FANCC: variants seen among roughly 807,000 people sequenced by gnomAD.
The protein encoded by FANCC is FA complementation group C.
FANCC carries 55 observed loss-of-function variants against 71.3 expected under a neutral mutation model. The observed-to-expected ratio is 0.77, with a 90% CI of 0.62 to 0.97. The LOEUF (loss-of-function observed/expected upper bound fraction) is 0.97. Ranked by LOEUF, FANCC falls within the 50% of genes least tolerant of loss-of-function variation. The pLI is 0.00. For missense variants in FANCC, 678 were observed against 670.9 expected (o/e 1.01, Z -0.12); for synonymous variants, 275 against 244.9 (o/e 1.12, Z -1.15).
intron 4 of FANCC, among the ~76,000 whole-genome samples, chr9:95,214,922 C>T (rs1282834903): frequency 6.6e-6 from 1 of 152,084 alleles, no homozygotes; most frequent in Non-Finnish European, 1.5e-5. Context: ...GTAGTAATAG[C>T]TGCATAACAA....
intron 8 of FANCC, 83 bp from the exon 9 acceptor site, chr9:95,126,664 T>C (rs1394573059): frequency 1.4e-6 from 2 of 1,385,664 alleles, no homozygotes; most frequent in African/African-American, 1.4e-5. Flanking sequence ...AAGGAGTTAC[T>C]GGGAACTGCT....
rs1326163629 is a variant in FANCC at position 95,249,118 on chromosome 9, A to T, written c.165+9T>A. 2 of 1,613,472 alleles carry T rather than the reference A, an allele frequency of 1.2e-6. No individual in the cohort carries two copies. The highest frequency in any genetic ancestry group is 1.7e-6 in the Non-Finnish European group (2 of 1,179,642). On this transcript the variant is annotated intron_variant, in intron 2 of 14. Transcript: ENST00000289081. The stretch of plus-strand genomic sequence containing the variant: ...GAAAATAATTTCATTATTCTGGTCC[A>T]CTACTTACCATCTCTTTCAAGGCTT...
intron 3 of FANCC, among the ~76,000 whole-genome samples, chr9:95,241,605 C>T (rs1220882744): frequency 2.0e-5 from 3 of 152,134 alleles, no homozygotes; most frequent in African/African-American, 4.8e-5. Flanking sequence ...CTAAGACAGC[C>T]GGTGCCTGGA....
chr9:95,155,889 T>TG (rs1490251578), intron 6 of FANCC, among the ~76,000 whole-genome samples: 10 of 54,616 alleles, frequency 1.8e-4, no homozygotes, highest in South Asian at 9.2e-4. Flanking sequence ...TGGCTTTTTT[T>TG]GGGTTTTTTT....
chr9:95,110,279 A>G lies in FANCC; in HGVS notation c.1329+1184T>C, dbSNP rs2071810414. On this transcript the variant is annotated intron_variant, in intron 13 of 14. Coordinates refer to ENST00000289081, the MANE Select transcript of FANCC (RefSeq NM_000136.3). ...TATACTTCAAAAGTGATTCTCTGTC[A>G]GTAACCTTTTGACTGTGATGGAATT... The G allele has an allele frequency of 4.9e-6, 5 of 1,011,824 alleles. No homozygotes were observed. The Admixed American group carries it at 1.8e-4, about 36-fold the overall frequency. 62.7% of individuals were successfully genotyped at this position (1,011,824 alleles called of 1,614,324 possible).
chr9:95,165,458 C>A (rs1458177332), intron 6 of FANCC, among the ~76,000 whole-genome samples: 1 of 151,880 alleles, frequency 6.6e-6, no homozygotes, highest in African/African-American at 2.4e-5. Flanking sequence ...ACTGCTTTTG[C>A]TGCATCCCAT....
chr9:95,230,692 G>C (rs1829950609), intron 4 of FANCC, among the ~76,000 whole-genome samples: 1 of 152,142 alleles, frequency 6.6e-6, no homozygotes, highest in Non-Finnish European at 1.5e-5. Context: ...AGAGTGAGCA[G>C]CAGCAAGACT....
At chr9:95,147,386 C>A (rs1829708604) in intron 7 of FANCC, among the ~76,000 whole-genome samples, 1 of 152,132 alleles carries the variant, frequency 6.6e-6, no homozygotes, top group African/African-American at 2.4e-5. Flanking sequence ...CGTGATGGTG[C>A]ATGCCTGTAA....
chr9:95,272,541 G>GA (rs1832801897), intron 1 of FANCC, among the ~76,000 whole-genome samples: 1 of 151,808 alleles, frequency 6.6e-6, no homozygotes, highest in Non-Finnish European at 1.5e-5. Flanking sequence ...ACTAAAAATA[G>GA]AAAAAATTAG....
Position 95,130,235 on chromosome 9 carries a change from G to A in FANCC, c.844-3654C>T, listed in dbSNP as rs148859340. ...CTTGAAAGAGGCCTGAGAACAAGAA[G>A]AACAGAATTCTCAGGAAGAAGCATT... On this transcript the variant is annotated intron_variant, in intron 8 of 14. Transcript: ENST00000289081. 9.8e-3 allele frequency among the ~76,000 whole-genome samples: 1,489 copies of A among 152,044 alleles called. 16 individuals are homozygous for A. The highest frequency in any genetic ancestry group is 0.013 in the Non-Finnish European group (869 of 67,998).
rs766493847 is a variant in FANCC, at chr9:95,247,389, G to T, written c.250+43C>A. ...GTAAGCCTCTGTGAAACAATGCAAA[G>T]ATTAAAATAGCCATTTTGAGAGGAC... On this transcript the variant is annotated intron_variant, in intron 3 of 14. Coordinates refer to ENST00000289081, the MANE Select transcript of FANCC (RefSeq NM_000136.3). 11 of 1,413,098 alleles carry T rather than the reference G, an allele frequency of 7.8e-6. No homozygotes were observed. In the South Asian group the frequency reaches 8.1e-5, roughly 10 times the overall value. The allele number at this position is 1,413,098 out of a possible 1,614,324, so 87.5% of individuals were successfully genotyped here.
intron 11 of FANCC, among the ~76,000 whole-genome samples, chr9:95,116,254 G>C (rs994488982): frequency 2.0e-5 from 3 of 152,186 alleles, no homozygotes; most frequent in African/African-American, 7.2e-5. Context: ...CTAAGCGTAA[G>C]GTGAACCCTG....
At chr9:95,221,102 T>G (rs895065838) in intron 4 of FANCC, among the ~76,000 whole-genome samples, 4 of 151,880 alleles carry the variant, frequency 2.6e-5, no homozygotes, top group Non-Finnish European at 5.9e-5. Context: ...CATGGTGGCA[T>G]GCACCTGTAG....
intron 1 of FANCC, among the ~76,000 whole-genome samples, chr9:95,280,572 T>C (rs1833326971): frequency 6.6e-6 from 1 of 152,156 alleles, no homozygotes. Context: ...ACAAATGTGC[T>C]CTGATGACAA....
rs181941190 is a variant in FANCC at position 95,227,824 on chromosome 9, C to T, written c.345+12825G>A. Among the ~76,000 whole-genome samples the T allele has an allele frequency of 1.8e-3, 267 of 152,266 alleles. 1 individual carries two copies. The highest frequency in any genetic ancestry group is 3.5e-3 in the South Asian group (17 of 4,818). On this transcript the variant is annotated intron_variant, in intron 4 of 14. Coordinates refer to ENST00000289081, the MANE Select transcript of FANCC (RefSeq NM_000136.3). The stretch of plus-strand genomic sequence containing the variant: ...AGATGGCCATTCTTCTTATCATTAG[C>T]AAGAAGAACGTTTCTAGCTATCTCT...
At chr9:95,290,766 A>G (rs1182694836) in intron 1 of FANCC, among the ~76,000 whole-genome samples, 1 of 152,240 alleles carries the variant, frequency 6.6e-6, no homozygotes, top group Non-Finnish European at 1.5e-5. Context: ...GGAGGCAAAG[A>G]CACAAAAAGA....
intron 6 of FANCC, among the ~76,000 whole-genome samples, chr9:95,159,681 C>T (rs1373836485): frequency 2.0e-5 from 3 of 152,198 alleles, no homozygotes. Flanking sequence ...TCTCCACATC[C>T]TCTCCAGCAC....
chr9:95,260,694 A>AC (rs1282880069), intron 1 of FANCC, among the ~76,000 whole-genome samples: 1 of 151,906 alleles, frequency 6.6e-6, no homozygotes, highest in African/African-American at 2.4e-5. Flanking sequence ...TATAAAAAAA[A>AC]AAAAAAAACT....
rs572523801 is a variant in FANCC at position 95,101,360 on chromosome 9, A to C, written c.*347T>G. On this transcript the variant is annotated 3_prime_UTR_variant, in exon 15 of 15. Transcript: ENST00000289081. ...TGGTTCTAAGACTTTGAATTTTTAAATAATAGATGTGCAGCTTGACTTGGG... is the reference window on the plus strand; with the variant it reads ...TGGTTCTAAGACTTTGAATTTTTAACTAATAGATGTGCAGCTTGACTTGGG... 7 of 392,320 alleles carry C rather than the reference A, an allele frequency of 1.8e-5. No homozygotes were observed. In the East Asian group the frequency reaches 2.9e-4, roughly 16 times the overall value. 24.3% of individuals were successfully genotyped at this position (392,320 alleles called of 1,614,324 possible).
Sources: allele counts gnomAD v4.1 joint callset (sites outside exome capture counted in the v4.1 genomes callset), GRCh38; gene constraint gnomAD v4.1.1; transcripts MANE v1.5; gene names NCBI Gene and HGNC (gene_info 2026-07-23, HGNC 2026-07-21).